LY6S: variants seen among roughly 807,000 people sequenced by gnomAD.
LY6S encodes the protein lymphocyte antigen 6S.
chr8:143,065,670 C>T, the LY6S span, among the ~76,000 whole-genome samples: 7 of 152,008 alleles, frequency 4.6e-5, no homozygotes, highest in African/African-American at 1.2e-4. Context: ...GTACTGGAGC[C>T]GGAAGACTTA....
At chr8:143,066,948 G>T in the LY6S span, among the ~76,000 whole-genome samples, 1 of 152,186 alleles carries the variant, frequency 6.6e-6, no homozygotes, top group African/African-American at 2.4e-5. Flanking sequence ...AGGCCTCAAA[G>T]GCATTTCAGA....
chr8:143,055,320 C>A, the LY6S span, among the ~76,000 whole-genome samples: 2 of 152,028 alleles, frequency 1.3e-5, no homozygotes, highest in Admixed American at 1.3e-4. Flanking sequence ...CTGGGAAGGA[C>A]CAAGGACAAA....
the LY6S span, chr8:143,057,891 AGCCCATGCGCAACCAGAGGGATGCG>A: frequency 3.2e-6 from 2 of 632,566 alleles, no homozygotes; most frequent in Non-Finnish European, 5.8e-6. Context: ...GATTTCAACC[AGCCCATGCGCAACCAGAGGGATGCG>A]GCCCACGGTG....
At chr8:143,058,627 G>A in the LY6S span, among the ~76,000 whole-genome samples, 4 of 152,228 alleles carry the variant, frequency 2.6e-5, no homozygotes, top group Admixed American at 6.5e-5. Context: ...CCGGATAACT[G>A]CGGGCCGGTC....
the LY6S span, chr8:143,043,096 G>T: frequency 2.2e-6 from 3 of 1,367,596 alleles, no homozygotes; most frequent in Non-Finnish European, 2.9e-6. Context: ...GGGTAGGCCT[G>T]CGGGGGAGAG....
chr8:143,066,167 C>CTTTTCTTTTCTTTTCTTTTA, the LY6S span: 5 of 320,382 alleles, frequency 1.6e-5, no homozygotes, highest in Admixed American at 2.1e-4. Flanking sequence ...CTTTTCTTTT[C>CTTTTCTTTTCTTTTCTTTTA]TTTTCTTTTC....
chr8:143,057,455 G>A, the LY6S span: 2 of 594,050 alleles, frequency 3.4e-6, no homozygotes, highest in East Asian at 6.8e-5. Context: ...TCACCATATT[G>A]GCCAGGCTGG....
the LY6S span, chr8:143,043,342 C>A: frequency 8.7e-5 from 85 of 973,822 alleles, no homozygotes; most frequent in East Asian, 4.3e-3. Flanking sequence ...ACTTTACCTG[C>A]GAGAGAGCGG....
chr8:143,044,663 C>T, the LY6S span: 2 of 1,365,890 alleles, frequency 1.5e-6, no homozygotes, highest in East Asian at 9.1e-5. Context: ...TGCCCTCTGC[C>T]CTGGCACCCC....
chr8:143,066,162 C>CTTTTA, the LY6S span: 1 of 317,736 alleles, frequency 3.1e-6, no homozygotes, highest in South Asian at 2.7e-5. Flanking sequence ...CTTTTCTTTT[C>CTTTTA]TTTTCTTTTC....
the LY6S span, among the ~76,000 whole-genome samples, chr8:143,058,250 G>A: frequency 1.3e-5 from 2 of 152,110 alleles, no homozygotes; most frequent in Non-Finnish European, 2.9e-5. Flanking sequence ...GGGCCCAGGG[G>A]ACCACTACCA....
At chr8:143,070,149 C>CTG in the LY6S span, among the ~76,000 whole-genome samples, 4 of 151,704 alleles carry the variant, frequency 2.6e-5, no homozygotes, top group African/African-American at 9.7e-5. Context: ...GGTTGCCCCT[C>CTG]TGTGTGTGTC....
At chr8:143,048,170 G>A in the LY6S span, among the ~76,000 whole-genome samples, 2 of 152,192 alleles carry the variant, frequency 1.3e-5, no homozygotes, top group African/African-American at 2.4e-5. Context: ...GTTGGCTGCC[G>A]CTGGTTTGCC....
chr8:143,041,913 ACGGCCG>A, the LY6S span, among the ~76,000 whole-genome samples: 2 of 99,796 alleles, frequency 2.0e-5, 1 homozygote. Context: ...CCAGGCTGAG[ACGGCCG>A]TCCACCCAGG....
the LY6S span, among the ~76,000 whole-genome samples, chr8:143,070,446 G>GTATATATATATATAT: frequency 4.3e-5 from 3 of 69,516 alleles, no homozygotes; most frequent in Admixed American, 2.2e-4. Flanking sequence ...TATATATATT[G>GTATATATATATATAT]TATATATATA....
chr8:143,070,660 T>C, the LY6S span, among the ~76,000 whole-genome samples: 1 of 150,642 alleles, frequency 6.6e-6, no homozygotes, highest in Non-Finnish European at 1.5e-5. Context: ...CTAATTATTT[T>C]ATCTTTAGTA....
At chr8:143,066,624 T>G in the LY6S span, 1 of 202,118 alleles carries the variant, frequency 4.9e-6, no homozygotes, top group Non-Finnish European at 1.0e-5. Flanking sequence ...CAGTTGTTCC[T>G]TTCTTTTGGC....
chr8:143,043,308 A>G, the LY6S span: 1 of 1,235,216 alleles, frequency 8.1e-7, no homozygotes, highest in Admixed American at 2.2e-5. Flanking sequence ...GCAGGAGAGG[A>G]GGGAGAGCTT....
the LY6S span, among the ~76,000 whole-genome samples, chr8:143,055,963 C>G: frequency 6.6e-6 from 1 of 151,986 alleles, no homozygotes; most frequent in African/African-American, 2.4e-5. Flanking sequence ...CACTCACTTT[C>G]CTGGTCCTTG....
Sources: gnomAD v4.1 joint callset for allele counts (sites outside exome capture counted in the v4.1 genomes callset) on GRCh38, gnomAD v4.1.1 for gene constraint, MANE v1.5 for transcripts, NCBI Gene and HGNC (gene_info 2026-07-23, HGNC 2026-07-21) for gene names.